Variants in SERPINI1 observed in about 807,000 individuals in gnomAD.
The protein encoded by SERPINI1 is neuroserpin.
Under a neutral mutation model 41.1 loss-of-function variants are expected in SERPINI1, and 19 were observed. The ratio of observed to expected loss-of-function variants is 0.46; its 90% CI spans 0.32 to 0.68. The LOEUF is 0.68. Ranked by LOEUF, SERPINI1 falls within the 30% of genes least tolerant of loss-of-function variation. The pLI is 0.03. For synonymous variants in SERPINI1, 138 were observed against 156.6 expected (o/e 0.88, Z 0.89); for missense variants, 460 against 479.2 (o/e 0.96, Z 0.37).
chr3:167,771,650 C>T (rs940162636), intron 1 of SERPINI1, among the ~76,000 whole-genome samples: 3 of 152,046 alleles, frequency 2.0e-5, no homozygotes, highest in African/African-American at 7.2e-5. Context: ...CATTTAAGTA[C>T]TGTAATGAAA....
intron 1 of SERPINI1, among the ~76,000 whole-genome samples, chr3:167,739,413 A>G (rs1725594402): frequency 6.6e-6 from 1 of 152,226 alleles, no homozygotes; most frequent in Admixed American, 6.5e-5. Context: ...TCCTTCTGAG[A>G]ATGTCTTTAT....
chr3:167,771,120 T>C (rs900095177), intron 1 of SERPINI1, among the ~76,000 whole-genome samples: 2 of 152,208 alleles, frequency 1.3e-5, no homozygotes, highest in Non-Finnish European at 2.9e-5. Flanking sequence ...TGACAGTATT[T>C]ATCAAAATTA....
At chr3:167,808,077 C>T (rs1711718825) in intron 6 of SERPINI1, among the ~76,000 whole-genome samples, 1 of 151,630 alleles carries the variant, frequency 6.6e-6, no homozygotes, top group Non-Finnish European at 1.5e-5. Context: ...GAGATTGCAC[C>T]ATTGTACTCC....
intron 1 of SERPINI1, among the ~76,000 whole-genome samples, chr3:167,754,369 A>G (rs1011944236): frequency 4.6e-5 from 7 of 152,246 alleles, no homozygotes; most frequent in Non-Finnish European, 1.0e-4. Flanking sequence ...CCATTGATCT[A>G]TAATTGTAAA....
chr3:167,763,546 A>G (rs1477448373), intron 1 of SERPINI1, among the ~76,000 whole-genome samples: 2 of 152,014 alleles, frequency 1.3e-5, no homozygotes, highest in Non-Finnish European at 2.9e-5. Flanking sequence ...CGCCCAGCTA[A>G]TTTATCTTGT....
intron 6 of SERPINI1, among the ~76,000 whole-genome samples, chr3:167,820,538 T>C (rs1292394424): frequency 6.6e-6 from 1 of 152,230 alleles, no homozygotes; most frequent in Non-Finnish European, 1.5e-5. Context: ...TGTCATGAGC[T>C]GGCCGGGTGT....
In SERPINI1 at chr3:167,771,891, G is replaced by A. The variant is rs1356417882; in HGVS notation, c.-18-17220G>A. On this transcript the variant is annotated intron_variant, in intron 1 of 8. Coordinates refer to ENST00000446050, the MANE Select transcript of SERPINI1 (RefSeq NM_001122752.2). ...TGCACACATGGAATTTAGCAGAGTC[G>A]GTCTTTTACAGGGAATTCTTGCATT... Among the ~76,000 whole-genome samples the A allele has an allele frequency of 2.0e-5, 3 of 152,152 alleles. 1 individual carries two copies. Among genetic ancestry groups the A allele is most frequent in the South Asian group, 4.1e-4 (2 of 4,838 alleles).
At chr3:167,747,894 T>C (rs1725912926) in intron 1 of SERPINI1, among the ~76,000 whole-genome samples, 1 of 151,606 alleles carries the variant, frequency 6.6e-6, no homozygotes, top group Admixed American at 6.6e-5. Flanking sequence ...GAAGAGAAAC[T>C]AAGACCTACC....
chr3:167,787,072 G>T (rs1195278674), intron 1 of SERPINI1, among the ~76,000 whole-genome samples: 1 of 150,672 alleles, frequency 6.6e-6, no homozygotes, highest in Non-Finnish European at 1.5e-5. Flanking sequence ...AAACATTTTT[G>T]TTAAAACTTA....
chr3:167,821,556 C>T (rs1712328317), intron 6 of SERPINI1, among the ~76,000 whole-genome samples: 2 of 152,166 alleles, frequency 1.3e-5, no homozygotes, highest in African/African-American at 4.8e-5. Context: ...CTCGCTCACT[C>T]ACATGCCTCT....
intron 1 of SERPINI1, among the ~76,000 whole-genome samples, chr3:167,766,053 T>C (rs1468889205): frequency 1.3e-5 from 2 of 152,120 alleles, no homozygotes; most frequent in Non-Finnish European, 2.9e-5. Flanking sequence ...TTCCCTGTCT[T>C]CTTCTGAGCC....
chr3:167,789,513 G>T, intron 2 of SERPINI1, 135 bp downstream of exon 2: 1 of 1,027,910 alleles, frequency 9.7e-7, no homozygotes, highest in Admixed American at 2.2e-5. Flanking sequence ...TGGCTAGAAG[G>T]ATTAGGAAAC....
chr3:167,809,279 T>G (rs1035327592), intron 6 of SERPINI1, among the ~76,000 whole-genome samples: 1 of 152,232 alleles, frequency 6.6e-6, no homozygotes, highest in African/African-American at 2.4e-5. Context: ...TTGAGAGAAA[T>G]CTGTCTTACC....
At position 167,825,398 on chromosome 3, in the gene SERPINI1, G is replaced by T. The variant is rs577715985; in HGVS notation, c.*75G>T. 1.1e-6 allele frequency: 1 copy of T among 896,522 alleles called. No individual in the cohort carries two copies. Among genetic ancestry groups the T allele is most frequent in the Non-Finnish European group, 1.9e-6 (1 of 526,926 alleles). 55.5% of individuals were successfully genotyped at this position (896,522 alleles called of 1,614,324 possible). ...TGCAACTGGTATATATTTAGGATTT[G>T]TGTTTTACAGTATATCTTAAGATAA... On this transcript the variant is annotated 3_prime_UTR_variant, in exon 9 of 9. Coordinates refer to ENST00000446050, the MANE Select transcript of SERPINI1 (RefSeq NM_001122752.2).
intron 1 of SERPINI1, among the ~76,000 whole-genome samples, chr3:167,788,201 C>CA (rs1401923044): frequency 1.3e-5 from 2 of 152,118 alleles, no homozygotes; most frequent in Non-Finnish European, 2.9e-5. Context: ...TGTGGGAAGA[C>CA]AGGGCTTCTG....
intron 1 of SERPINI1, among the ~76,000 whole-genome samples, chr3:167,761,562 G>A (rs929366844): frequency 7.2e-5 from 11 of 152,114 alleles, no homozygotes; most frequent in Non-Finnish European, 1.5e-5. Flanking sequence ...AATTCCATAA[G>A]ACATTAGAGT....
At chr3:167,804,922 T>A (rs1399528283) in intron 5 of SERPINI1, among the ~76,000 whole-genome samples, 1 of 152,168 alleles carries the variant, frequency 6.6e-6, no homozygotes, top group East Asian at 1.9e-4. Context: ...TACAATTCAT[T>A]AGTTTGGGGA....
chr3:167,814,645 G>C (rs1348995568), intron 6 of SERPINI1, among the ~76,000 whole-genome samples: 1 of 152,226 alleles, frequency 6.6e-6, no homozygotes, highest in East Asian at 1.9e-4. Flanking sequence ...GTTAATCTCA[G>C]ATACTTAGAG....
intron 3 of SERPINI1, among the ~76,000 whole-genome samples, chr3:167,792,306 G>A (rs1727548792): frequency 6.6e-6 from 1 of 151,786 alleles, no homozygotes; most frequent in Admixed American, 6.6e-5. Flanking sequence ...TGATACGGGT[G>A]TTTTGAATGC....
Sources: gnomAD v4.1 joint callset for allele counts (sites outside exome capture counted in the v4.1 genomes callset) on GRCh38, gnomAD v4.1.1 for gene constraint, MANE v1.5 for transcripts, NCBI Gene and HGNC (gene_info 2026-07-23, HGNC 2026-07-21) for gene names.